Variants in EP400 observed in about 807,000 individuals in gnomAD.
EP400 encodes E1A binding protein p400.
In EP400, 105 loss-of-function variants were observed where a neutral mutation model predicts 354.1. That is an observed-to-expected ratio of 0.30 (90% CI 0.25 to 0.35). The LOEUF (loss-of-function observed/expected upper bound fraction) is 0.35, where lower values mean the gene tolerates loss of function less well. EP400 is among the 10% of genes least tolerant of loss of function. The probability of loss-of-function intolerance (pLI) is 1.00; values close to 1 mark genes in which losing one functional copy is unlikely to be tolerated. For missense variants in EP400, 3,280 were observed against 4,121.0 expected (o/e 0.80, Z 5.59); for synonymous variants, 1,646 against 1,716.9 (o/e 0.96, Z 1.02).
Position 131,986,575 on chromosome 12 carries a change from CCTCTT to C in EP400, c.1994_1998del (p.Ser665TyrfsTer24). 6.2e-7 allele frequency: 1 copy of C among 1,614,000 alleles called. No homozygotes were observed. Among genetic ancestry groups the C allele is most frequent in the Non-Finnish European group, 8.5e-7 (1 of 1,179,962 alleles). On this transcript the variant is annotated frameshift_variant, in exon 6 of 53. Transcript: ENST00000389561. LOFTEE classifies it high-confidence loss of function. ...CCGCCCTGCCCACGGCCTCTGCCCACCTCTTCTACCTCGTCCCTCGCGCCTGTGAG... is the reference window on the plus strand; with the variant it reads ...CCGCCCTGCCCACGGCCTCTGCCCACCTACCTCGTCCCTCGCGCCTGTGAG...
At position 132,050,721 on chromosome 12, in the gene EP400, T is replaced by G; in HGVS notation, c.7394+66T>G. The G allele has an allele frequency of 6.3e-7, 1 of 1,588,334 alleles. No homozygotes were observed. Among genetic ancestry groups the G allele is most frequent in the Non-Finnish European group, 8.6e-7 (1 of 1,157,288 alleles). On this transcript the variant is annotated intron_variant, in intron 41 of 52. Coordinates refer to ENST00000389561, the MANE Select transcript of EP400 (RefSeq NM_015409.5). This position sits in a 1 kb window ranked among gnomAD's most constrained non-coding sequence, Gnocchi z 4.8. ...GATTTCATTCCAGTGTCATCTAAGT[T>G]CAGTGAGTTCAGCAAATCGTTGTGC...
At chr12:132,037,222 G>A (rs915246342) in intron 30 of EP400, among the ~76,000 whole-genome samples, 1 of 152,148 alleles carries the variant, frequency 6.6e-6, no homozygotes, top group Admixed American at 6.5e-5. Context: ...TGTGGGTCTG[G>A]TAGTGTACCG....
chr12:132,070,203 G>C lies in EP400; in HGVS notation c.9021+562G>C, dbSNP rs1185119493. The stretch of plus-strand genomic sequence containing the variant: ...CCACCCTCCTGGAGTTGGTTTTTGG[G>C]TATGAGATAGAAACAGGAATTCAGT... On this transcript the variant is annotated intron_variant, in intron 51 of 52. Coordinates refer to ENST00000389561, the MANE Select transcript of EP400 (RefSeq NM_015409.5). This position sits in a 1 kb window ranked among gnomAD's most constrained non-coding sequence, Gnocchi z 4.1. Among the ~76,000 whole-genome samples, 2 of 152,130 alleles carry C rather than the reference G, an allele frequency of 1.3e-5. No individual in the cohort carries two copies. Among genetic ancestry groups the C allele is most frequent in the Non-Finnish European group, 2.9e-5 (2 of 68,032 alleles).
Position 131,974,433 on chromosome 12 carries a change from GTTTA to G in EP400, c.1336-5256_1336-5253del, listed in dbSNP as rs1006252436. On this transcript the variant is annotated intron_variant, in intron 2 of 52. Transcript: ENST00000389561. ...ACCTGGCTTCATAGTTTATTTCTTT[GTTTA>G]TTTAAATAGGGCAGAAATTTTCCTT... Among the ~76,000 whole-genome samples, 16 of 152,064 alleles carry G rather than the reference GTTTA, an allele frequency of 1.1e-4. 1 individual carries two copies. The highest frequency in any genetic ancestry group is 3.6e-4 in the African/African-American group (15 of 41,520).
chr12:132,065,022 AC>A, intron 48 of EP400, 136 bp downstream of exon 48: 1 of 1,427,780 alleles, frequency 7.0e-7, no homozygotes, highest in Non-Finnish European at 9.2e-7. Flanking sequence ...AGAACTTAGT[AC>A]CCCTTGGACA....
In EP400 at chr12:132,062,877, A is replaced by G. The variant is rs901343307; in HGVS notation, c.8334+176A>G. On this transcript the variant is annotated intron_variant, in intron 47 of 52. Coordinates refer to ENST00000389561, the MANE Select transcript of EP400 (RefSeq NM_015409.5). ...TTGGTCTAAAATTTCCCATGTCATAACACTTTGATCATGCCTTAGAGAAGT... is the reference window on the plus strand; with the variant it reads ...TTGGTCTAAAATTTCCCATGTCATAGCACTTTGATCATGCCTTAGAGAAGT... Among the ~76,000 whole-genome samples the G allele has an allele frequency of 2.6e-5, 4 of 152,284 alleles. No homozygotes were observed. The East Asian group carries it at 7.7e-4, about 29-fold the overall frequency.
chr12:132,012,484 A>T (rs1184209603), intron 16 of EP400, among the ~76,000 whole-genome samples: 1 of 152,224 alleles, frequency 6.6e-6, no homozygotes, highest in East Asian at 1.9e-4. Context: ...TTCATACTGC[A>T]CAAGTTCATC....
In EP400 at chr12:132,013,328, C is replaced by G. The variant is rs1893824668; in HGVS notation, c.3611+150C>G. On this transcript the variant is annotated intron_variant, in intron 17 of 52. Coordinates refer to ENST00000389561, the MANE Select transcript of EP400 (RefSeq NM_015409.5). The surrounding 1 kb of genome is among the most constrained non-coding windows in gnomAD (Gnocchi z 4.5). ...TCATCCCAGCACATGGGCCAGAGAG[C>G]CCCAGAGCTGGGTCAGTGCAGCCCC... 2 of 1,405,492 alleles carry G rather than the reference C, an allele frequency of 1.4e-6. No individual in the cohort carries two copies. The highest frequency in any genetic ancestry group is 2.1e-4 in the Middle Eastern group (1 of 4,746). 87.1% of individuals were successfully genotyped at this position (1,405,492 alleles called of 1,614,324 possible).
At chr12:132,026,647 C>T (rs939807800) in intron 25 of EP400, among the ~76,000 whole-genome samples, 6 of 152,280 alleles carry the variant, frequency 3.9e-5, no homozygotes, top group East Asian at 1.9e-4. Context: ...CCCTTCTTTG[C>T]GGGCTGATGA....
chr12:132,055,310 GA>G, intron 45 of EP400, 102 bp downstream of exon 45: 2 of 959,892 alleles, frequency 2.1e-6, no homozygotes, highest in Non-Finnish European at 3.0e-6. Flanking sequence ...TTCCATTGGT[GA>G]AAAACTGTCT....
In EP400 at chr12:132,013,527, A is replaced by G; in HGVS notation, c.3649A>G (p.Asn1217Asp). ...GCTTCTGATCGACTCGCCGCTGCAC[A>G]ATACCTTCCTGGAGCTCTGGACCAT... ...RLLLIDSPLH[N>D]TFLELWTMVH... Residue 1217 changes from asparagine to aspartate, a missense_variant, in exon 18 of 53, where the codon AAT becomes GAT. By Grantham distance (23) the Asn-to-Asp change is conservative. Transcript: ENST00000389561. The surrounding 1 kb of genome is among the most constrained non-coding windows in gnomAD (Gnocchi z 4.5). 2 of 1,602,158 alleles carry G rather than the reference A, an allele frequency of 1.2e-6. No individual in the cohort carries two copies. Among genetic ancestry groups the G allele is most frequent in the Non-Finnish European group, 1.7e-6 (2 of 1,174,220 alleles).
intron 12 of EP400, among the ~76,000 whole-genome samples, chr12:131,999,631 G>A (rs1893340106): frequency 6.6e-6 from 1 of 152,016 alleles, no homozygotes; most frequent in Non-Finnish European, 1.5e-5. Flanking sequence ...TAGAGATAGG[G>A]TTTTACCGTG....
chr12:132,075,118 TG>T lies in EP400; in HGVS notation c.9022-1397del, dbSNP rs1269640461. ...TTAGGGCAGGTGCTTTTCTTACAGA[TG>T]CCACTGGAGGAAGGGGATGCTTTCT... On this transcript the variant is annotated intron_variant, in intron 51 of 52. Transcript: ENST00000389561. The surrounding 1 kb of genome is among the most constrained non-coding windows in gnomAD (Gnocchi z 4.5). Among the ~76,000 whole-genome samples the T allele has an allele frequency of 6.6e-6, 1 of 152,180 alleles. No individual in the cohort carries two copies. The highest frequency in any genetic ancestry group is 2.4e-5 in the African/African-American group (1 of 41,448).
At position 131,994,685 on chromosome 12, in the gene EP400, A is replaced by G. The variant is rs1341102208; in HGVS notation, c.2738-182A>G. Among the ~76,000 whole-genome samples the G allele has an allele frequency of 6.6e-6, 1 of 152,188 alleles. No homozygotes were observed. Among genetic ancestry groups the G allele is most frequent in the African/African-American group, 2.4e-5 (1 of 41,444 alleles). On this transcript the variant is annotated intron_variant, in intron 11 of 52. Transcript: ENST00000389561. This position sits in a 1 kb window ranked among gnomAD's most constrained non-coding sequence, Gnocchi z 4.6. Reference sequence around the variant, plus strand: ...GGCTGTCATTCACAGCCTGAAGTGGAAGGGGAAATACACTTCCAGTTTCCT... The same window carrying G: ...GGCTGTCATTCACAGCCTGAAGTGGGAGGGGAAATACACTTCCAGTTTCCT...
chr12:132,043,058 C>T (rs985288797), intron 32 of EP400, among the ~76,000 whole-genome samples: 2 of 152,220 alleles, frequency 1.3e-5, no homozygotes, highest in Non-Finnish European at 2.9e-5. Context: ...TTCCATGGGG[C>T]CTGCCTGTCC....
In EP400 at chr12:131,996,550, C is replaced by T. The variant is rs1030031153; in HGVS notation, c.2827+1594C>T. ...TCATGATCCACCCGCCTCAGCCTCC[C>T]GAAGTGCTGGGATTACAGGCTTGAG... On this transcript the variant is annotated intron_variant, in intron 12 of 52. Coordinates refer to ENST00000389561, the MANE Select transcript of EP400 (RefSeq NM_015409.5). Among the ~76,000 whole-genome samples the T allele has an allele frequency of 3.9e-5, 6 of 152,036 alleles. No homozygotes were observed. In the East Asian group the frequency reaches 5.8e-4, roughly 15 times the overall value.
chr12:131,975,015 G>T (rs1892423714), intron 2 of EP400, among the ~76,000 whole-genome samples: 1 of 145,820 alleles, frequency 6.9e-6, no homozygotes, highest in Admixed American at 6.9e-5. Context: ...AAAAAGACCA[G>T]AGTATCTTTA....
At chr12:131,992,293 T>C in intron 11 of EP400, 63 bp downstream of exon 11, 1 of 1,469,866 alleles carries the variant, frequency 6.8e-7, no homozygotes. Flanking sequence ...GACACAGAGC[T>C]GCAGCGACTT....
intron 48 of EP400, 100 bp from the exon 49 acceptor site, chr12:132,066,674 T>C: frequency 7.9e-7 from 1 of 1,271,184 alleles, no homozygotes; most frequent in Non-Finnish European, 1.1e-6. Flanking sequence ...TGTTGATCTT[T>C]GTAAATTTTC....
Sources: gnomAD v4.1 joint callset for allele counts (sites outside exome capture counted in the v4.1 genomes callset) on GRCh38, gnomAD v4.1.1 for gene constraint, Gnocchi (gnomAD v3.1) non-coding constraint, MANE v1.5 for transcripts, NCBI Gene and HGNC (gene_info 2026-07-23, HGNC 2026-07-21) for gene names.